The following GOLM1 variants were observed in gnomAD, a reference collection of about 807,000 sequenced individuals.
GOLM1 encodes the protein epididymis luminal protein 46.
A neutral mutation model predicts 50.5 loss-of-function variants in GOLM1; 31 were observed. The ratio of observed to expected loss-of-function variants is 0.61; its 90% CI spans 0.46 to 0.83. GOLM1 has a LOEUF of 0.83. Ranked by LOEUF, GOLM1 falls within the 40% of genes least tolerant of loss-of-function variation. The pLI, the probability that GOLM1 is intolerant of heterozygous loss-of-function variation, is 0.00. For synonymous variants in GOLM1, 178 were observed against 192.8 expected (o/e 0.92, Z 0.64); for missense variants, 491 against 501.3 (o/e 0.98, Z 0.20).
intron 5 of GOLM1, among the ~76,000 whole-genome samples, chr9:86,046,204 T>C (rs192760818): frequency 2.4e-4 from 36 of 152,330 alleles, no homozygotes; most frequent in African/African-American, 7.0e-4. Context: ...TTTTAAAGCT[T>C]TATGTTGTTG....
intron 4 of GOLM1, among the ~76,000 whole-genome samples, chr9:86,049,914 G>A (rs1344953404): frequency 6.6e-6 from 1 of 152,140 alleles, no homozygotes; most frequent in African/African-American, 2.4e-5. Context: ...TTGAATAGGA[G>A]TGGTGAGACA....
chr9:86,054,521 G>A (rs1290603728), intron 3 of GOLM1, among the ~76,000 whole-genome samples: 3 of 152,240 alleles, frequency 2.0e-5, no homozygotes, highest in South Asian at 4.1e-4. Context: ...ACTGCGCCCG[G>A]CCTCATGTAT....
intron 9 of GOLM1, among the ~76,000 whole-genome samples, chr9:86,032,952 G>T (rs1257454289): frequency 6.6e-6 from 1 of 152,162 alleles, no homozygotes; most frequent in East Asian, 1.9e-4. Context: ...TTCTCATCTG[G>T]GAGGCAGACT....
chr9:86,056,746 T>G (rs1252845290), intron 3 of GOLM1, among the ~76,000 whole-genome samples: 2 of 152,048 alleles, frequency 1.3e-5, no homozygotes. Flanking sequence ...CCTCGTGATC[T>G]GCTCGCCTTG....
At chr9:86,099,759 C>T (rs2118929326), upstream of GOLM1, among the ~76,000 whole-genome samples, 1 of 152,152 alleles carries the variant, frequency 6.6e-6, no homozygotes, top group South Asian at 2.1e-4. Context: ...CGCCGCTGGG[C>T]GTTGCCCCTT....
chr9:86,040,371 G>A (rs895432903), intron 6 of GOLM1, among the ~76,000 whole-genome samples: 5 of 152,164 alleles, frequency 3.3e-5, no homozygotes, highest in African/African-American at 4.8e-5. Flanking sequence ...ACATGGAGTC[G>A]GCCAGACCTG....
intron 1 of GOLM1, among the ~76,000 whole-genome samples, chr9:86,092,968 T>C (rs1467083754): frequency 1.3e-5 from 2 of 152,238 alleles, no homozygotes; most frequent in Non-Finnish European, 2.9e-5. Context: ...TATGTTTGTC[T>C]CATACTTGGT....
intron 3 of GOLM1, among the ~76,000 whole-genome samples, chr9:86,066,267 A>C (rs150576704): frequency 4.7e-4 from 71 of 152,270 alleles, no homozygotes; most frequent in Non-Finnish European, 8.7e-4. Context: ...AAGCACTGTA[A>C]ACACCTCAGA....
intron 1 of GOLM1, among the ~76,000 whole-genome samples, chr9:86,082,489 T>C (rs1313091805): frequency 6.6e-6 from 1 of 151,746 alleles, no homozygotes; most frequent in Non-Finnish European, 1.5e-5. Flanking sequence ...CAGCCTCAAC[T>C]CCTGGGCTCA....
chr9:86,084,378 T>C (rs955330178), intron 1 of GOLM1, among the ~76,000 whole-genome samples: 8 of 152,152 alleles, frequency 5.3e-5, no homozygotes, highest in African/African-American at 1.7e-4. Flanking sequence ...ATGAGGCACA[T>C]CGACATCACA....
intron 1 of GOLM1, among the ~76,000 whole-genome samples, chr9:86,090,485 C>A (rs1354718324): frequency 6.6e-6 from 1 of 152,120 alleles, no homozygotes; most frequent in Non-Finnish European, 1.5e-5. Flanking sequence ...GTGGCTTTGC[C>A]GAGCTGCAGT....
intron 3 of GOLM1, among the ~76,000 whole-genome samples, chr9:86,067,037 G>C (rs1175531413): frequency 6.6e-6 from 1 of 152,192 alleles, no homozygotes; most frequent in Non-Finnish European, 1.5e-5. Flanking sequence ...CCAGGTTCAA[G>C]TCATTCTCCT....
chr9:86,070,889 G>A (rs1300626575), intron 3 of GOLM1, among the ~76,000 whole-genome samples: 1 of 152,154 alleles, frequency 6.6e-6, no homozygotes, highest in East Asian at 1.9e-4. Flanking sequence ...CCAGGAAGTT[G>A]TACAAAGTGA....
chr9:86,068,424 T>TCTG (rs1834365585), intron 3 of GOLM1, among the ~76,000 whole-genome samples: 1 of 152,230 alleles, frequency 6.6e-6, no homozygotes, highest in African/African-American at 2.4e-5. Context: ...GCTGGTCAGG[T>TCTG]CTGCTGTGAG....
At chr9:86,083,826 A>G (rs1587737136) in intron 1 of GOLM1, among the ~76,000 whole-genome samples, 1 of 152,224 alleles carries the variant, frequency 6.6e-6, no homozygotes, top group Non-Finnish European at 1.5e-5. Flanking sequence ...CTAAAAACTC[A>G]GAGAAAGTTT....
At chr9:86,077,318 C>T in intron 3 of GOLM1, 94 bp downstream of exon 3, 1 of 1,007,386 alleles carries the variant, frequency 9.9e-7, no homozygotes, top group East Asian at 2.4e-5. Flanking sequence ...TAAATCTAAA[C>T]CCAGCCGCTT....
chr9:86,075,569 G>A (rs1834585226), intron 3 of GOLM1, among the ~76,000 whole-genome samples: 1 of 152,170 alleles, frequency 6.6e-6, no homozygotes, highest in African/African-American at 2.4e-5. Flanking sequence ...AAATCACACA[G>A]CTGAGGGAAC....
Position 86,075,776 on chromosome 9 carries a change from T to TTTTTTC in GOLM1, c.309+1630_309+1635dup, listed in dbSNP as rs200310763. ...TTTCAAATAACTACTTGATGCTCTT[T>TTTTTTC]TTTTTCTTTTTCTTTTTGAGAGATG... On this transcript the variant is annotated intron_variant, in intron 3 of 9. Transcript: ENST00000388712. Among the ~76,000 whole-genome samples, 1,435 of 152,298 alleles carry TTTTTTC rather than the reference T, an allele frequency of 9.4e-3. 25 individuals are homozygous for TTTTTTC. Among genetic ancestry groups the TTTTTTC allele is most frequent in the African/African-American group, 0.03 (1,254 of 41,542 alleles).
At chr9:86,038,364 C>A (rs1833221194) in intron 6 of GOLM1, among the ~76,000 whole-genome samples, 1 of 152,094 alleles carries the variant, frequency 6.6e-6, no homozygotes, top group African/African-American at 2.4e-5. Context: ...GTGCTCTATT[C>A]TCCTTAACCA....
Sources: gnomAD v4.1 joint callset for allele counts (sites outside exome capture counted in the v4.1 genomes callset) on GRCh38, gnomAD v4.1.1 for gene constraint, MANE v1.5 for transcripts, NCBI Gene and HGNC (gene_info 2026-07-23, HGNC 2026-07-21) for gene names.